PCDHGB2: variants seen among roughly 807,000 people sequenced by gnomAD.
The protein encoded by PCDHGB2 is protocadherin gamma-B2.
Under a neutral mutation model 59.3 loss-of-function variants are expected in PCDHGB2, and 55 were observed. The observed-to-expected ratio is 0.93, with a 90% CI of 0.75 to 1.16. PCDHGB2 has a LOEUF of 1.16. Among genes scored for constraint, PCDHGB2 ranks in the 50% most tolerant of loss-of-function variants. The pLI is 0.00. For missense variants in PCDHGB2, 1,228 were observed against 1,198.5 expected, an observed-to-expected ratio of 1.02 and a Z score of -0.36; for synonymous variants, 516 against 512.0, an observed-to-expected ratio of 1.01 and a Z score of -0.11.
intron 1 of PCDHGB2, chr5:141,418,998 G>C (rs757681244): frequency 1.9e-6 from 3 of 1,613,940 alleles, no homozygotes; most frequent in South Asian, 1.1e-5. Context: ...GGGGAAAATG[G>C]GGAAGTCAGG....
intron 1 of PCDHGB2, chr5:141,399,375 C>T (rs548275013): frequency 1.9e-6 from 3 of 1,614,016 alleles, no homozygotes; most frequent in South Asian, 2.2e-5. Flanking sequence ...AGTACAATGT[C>T]ACCATCACAG....
At chr5:141,399,378 C>T (rs368139061) in intron 1 of PCDHGB2, 1,186 of 1,613,874 alleles carry the variant, frequency 7.3e-4, no homozygotes, top group Non-Finnish European at 9.6e-4. Flanking sequence ...ACAATGTCAC[C>T]ATCACAGCCA....
At chr5:141,499,287 C>T (rs896428388) in intron 2 of PCDHGB2, among the ~76,000 whole-genome samples, 3 of 152,184 alleles carry the variant, frequency 2.0e-5, no homozygotes, top group Non-Finnish European at 2.9e-5. Context: ...CTGATGGCTC[C>T]ACACTACCAT....
At position 141,383,936 on chromosome 5, in the gene PCDHGB2, A is replaced by C. The variant is rs563490528; in HGVS notation, c.2421+21380A>C. ...TTAGATGTAAATGATAATGCTCCAG[A>C]AGTGACTATGACGTCTTTAAGTAGC... On this transcript the variant is annotated intron_variant, in intron 1 of 3. Transcript: ENST00000522605. The C allele has an allele frequency of 1.9e-6, 3 of 1,613,936 alleles. No individual in the cohort carries two copies. In the East Asian group the frequency reaches 6.7e-5, roughly 36 times the overall value.
At chr5:141,425,719 A>G (rs2096890303) in intron 1 of PCDHGB2, among the ~76,000 whole-genome samples, 1 of 152,200 alleles carries the variant, frequency 6.6e-6, no homozygotes. Context: ...TTCCCATACC[A>G]CTTGATGGGG....
chr5:141,454,948 C>T (rs2098807728), intron 1 of PCDHGB2, among the ~76,000 whole-genome samples: 1 of 151,548 alleles, frequency 6.6e-6, no homozygotes, highest in Non-Finnish European at 1.5e-5. Flanking sequence ...GCTGGGACTA[C>T]AGGCGCCGGC....
chr5:141,417,699 C>G, intron 1 of PCDHGB2: 1 of 1,164,548 alleles, frequency 8.6e-7, no homozygotes. Context: ...AACCAGCTCC[C>G]ACACAGAGGC....
chr5:141,487,864 C>A lies in PCDHGB2; in HGVS notation c.2422-6943C>A. On this transcript the variant is annotated intron_variant, in intron 1 of 3. Coordinates refer to ENST00000522605, the MANE Select transcript of PCDHGB2 (RefSeq NM_018923.3). The surrounding 1 kb of genome is among the most constrained non-coding windows in gnomAD (Gnocchi z 5.0). ...GTAAGAAATGAAAGTAATTGGTGAT[C>A]AAGAGCCAGGCTGTTGTGGAAGCAT... 1 of 899,610 alleles carries A rather than the reference C, an allele frequency of 1.1e-6. No individual in the cohort carries two copies. Among genetic ancestry groups the A allele is most frequent in the Non-Finnish European group, 1.7e-6 (1 of 599,584 alleles). The allele number at this position is 899,610 out of a possible 1,614,324, so 55.7% of individuals were successfully genotyped here.
At chr5:141,394,419 G>C in intron 1 of PCDHGB2, 1 of 1,614,224 alleles carries the variant, frequency 6.2e-7, no homozygotes, top group East Asian at 2.2e-5. Context: ...AACAGCCAGC[G>C]ACAGCGGGGA....
At chr5:141,451,653 G>A (rs1440576814) in intron 1 of PCDHGB2, among the ~76,000 whole-genome samples, 2 of 152,166 alleles carry the variant, frequency 1.3e-5, no homozygotes, top group Non-Finnish European at 2.9e-5. Context: ...AGGCCAAGGA[G>A]GGTGGACTGC....
chr5:141,399,443 G>A, intron 1 of PCDHGB2: 1 of 1,614,018 alleles, frequency 6.2e-7, no homozygotes, highest in Non-Finnish European at 8.5e-7. Flanking sequence ...CTACATATCA[G>A]AGACGTCAAC....
chr5:141,483,401 A>G (rs1052240280), intron 1 of PCDHGB2, among the ~76,000 whole-genome samples: 2 of 152,202 alleles, frequency 1.3e-5, no homozygotes, highest in African/African-American at 4.8e-5. Context: ...TGCTTGAACC[A>G]GCACAGTGGC....
rs772255956 is a variant in PCDHGB2 at position 141,361,360 on chromosome 5, G to A, written c.1225G>A (p.Ala409Thr). Reference sequence around the variant, plus strand: ...CTATTACAAACTAGTGACAGACGGCGCTCTGGACCGGGAGGAGATCCCAGA... The same window carrying A: ...CTATTACAAACTAGTGACAGACGGCACTCTGGACCGGGAGGAGATCCCAGA... ...KNYYKLVTDG[A>T]LDREEIPEYN... is the part of the protein sequence containing the mutation. The change falls in exon 1 of 4, where the codon GCT becomes ACT. Residue 409 changes from alanine (A) to threonine (T), a missense_variant. Ala to Thr is a moderately conservative substitution (Grantham distance 58, BLOSUM62 0). Transcript: ENST00000522605. 3.1e-6 allele frequency: 5 copies of A among 1,613,944 alleles called. No homozygotes were observed. In the East Asian group the frequency reaches 1.1e-4, roughly 36 times the overall value.
chr5:141,405,444 G>A, intron 1 of PCDHGB2: 1 of 1,379,466 alleles, frequency 7.2e-7, no homozygotes, highest in South Asian at 1.3e-5. Flanking sequence ...TTTTGAGACA[G>A]AGTCTTACTC....
chr5:141,395,370 G>C, intron 1 of PCDHGB2: 1 of 1,207,198 alleles, frequency 8.3e-7, no homozygotes, highest in Non-Finnish European at 1.1e-6. Context: ...GTTTATTTTG[G>C]TGGTGTTACT....
chr5:141,476,271 C>T lies in PCDHGB2; in HGVS notation c.2422-18536C>T. Reference sequence around the variant, plus strand: ...GGTTTCGCTGTGGGCAACGTGGTCGCGAACCTTGGTTTGGATCTCGGTAGC... The same window carrying T: ...GGTTTCGCTGTGGGCAACGTGGTCGTGAACCTTGGTTTGGATCTCGGTAGC... On this transcript the variant is annotated intron_variant, in intron 1 of 3. Coordinates refer to ENST00000522605, the MANE Select transcript of PCDHGB2 (RefSeq NM_018923.3). This position sits in a 1 kb window ranked among gnomAD's most constrained non-coding sequence, Gnocchi z 7.6. 4 of 1,613,892 alleles carry T rather than the reference C, an allele frequency of 2.5e-6. No homozygotes were observed. The highest frequency in any genetic ancestry group is 3.4e-6 in the Non-Finnish European group (4 of 1,179,974).
chr5:141,424,768 A>G (rs143190880), intron 1 of PCDHGB2: 38 of 152,284 alleles, frequency 2.5e-4, no homozygotes, highest in African/African-American at 9.1e-4. Context: ...TCTTATGGCA[A>G]ATAGTACATT....
In PCDHGB2 at chr5:141,408,093, G is replaced by C. The variant is rs533105778; in HGVS notation, c.2421+45537G>C. On this transcript the variant is annotated intron_variant, in intron 1 of 3. Transcript: ENST00000522605. ...CCTTTCCCAGCACAGCGGATTGCCA[G>C]CTCCGAGACCCGGGACTCCTCCTGT... The C allele has an allele frequency of 7.0e-6, 10 of 1,429,954 alleles. No homozygotes were observed. In the Admixed American group the frequency reaches 1.4e-4, roughly 20 times the overall value. 88.6% of individuals were successfully genotyped at this position (1,429,954 alleles called of 1,614,324 possible).
intron 1 of PCDHGB2, among the ~76,000 whole-genome samples, chr5:141,381,312 A>G (rs1365514844): frequency 1.3e-5 from 2 of 152,240 alleles, no homozygotes; most frequent in African/African-American, 4.8e-5. Flanking sequence ...ATTCTCTTTT[A>G]TTCTGCAACT....
Sources: allele counts gnomAD v4.1 joint callset (sites outside exome capture counted in the v4.1 genomes callset), GRCh38; gene constraint gnomAD v4.1.1; non-coding constraint Gnocchi (gnomAD v3.1); transcripts MANE v1.5; gene names NCBI Gene and HGNC (gene_info 2026-07-23, HGNC 2026-07-21).